PSEN2: variants seen among roughly 807,000 people sequenced by gnomAD.
The protein encoded by PSEN2 is presenilin-2.
PSEN2 carries 32 observed loss-of-function variants against 49.1 expected under a neutral mutation model. The observed-to-expected ratio is 0.65, with a 90% CI of 0.49 to 0.88. The LOEUF is 0.88. Ranked by LOEUF, PSEN2 falls within the 40% of genes least tolerant of loss-of-function variation. PSEN2 has a pLI of 0.00. For synonymous variants in PSEN2, 255 were observed against 244.0 expected (o/e 1.05, Z -0.42); for missense variants, 522 against 586.9 (o/e 0.89, Z 1.14).
chr1:226,872,405 C>A (rs1023072055), intron 2 of PSEN2, among the ~76,000 whole-genome samples: 6 of 152,164 alleles, frequency 3.9e-5, no homozygotes, highest in Non-Finnish European at 5.9e-5. Context: ...GAAACAAGTT[C>A]AGGGAGTTAA....
chr1:226,879,971 T>C (rs1660873348), intron 3 of PSEN2, among the ~76,000 whole-genome samples: 1 of 152,216 alleles, frequency 6.6e-6, no homozygotes, highest in Admixed American at 6.5e-5. Context: ...GTAGGAATAA[T>C]CCAGGCCATA....
intron 6 of PSEN2, among the ~76,000 whole-genome samples, chr1:226,887,478 C>G (rs1369334303): frequency 6.6e-6 from 1 of 152,090 alleles, no homozygotes; most frequent in African/African-American, 2.4e-5. Flanking sequence ...AGGATCAGCC[C>G]CCTCTTGTCC....
intron 3 of PSEN2, among the ~76,000 whole-genome samples, chr1:226,879,997 T>C (rs1660875380): frequency 6.6e-6 from 1 of 152,206 alleles, no homozygotes; most frequent in South Asian, 2.1e-4. Flanking sequence ...GGTTGCTGTC[T>C]TCAGAAAGAA....
chr1:226,890,880 T>G, intron 9 of PSEN2: 1 of 250,938 alleles, frequency 4.0e-6, no homozygotes, highest in Non-Finnish European at 7.8e-6. Flanking sequence ...TTCGAGCCCG[T>G]AGAGGAGAAT....
intron 3 of PSEN2, among the ~76,000 whole-genome samples, chr1:226,879,451 C>T (rs759778717): frequency 3.9e-5 from 6 of 152,142 alleles, no homozygotes; most frequent in Admixed American, 2.6e-4. Flanking sequence ...CAGAAAGCTT[C>T]GGGGGCTCTC....
chr1:226,902,263 G>A (rs1662341878), intron 12 of PSEN2, among the ~76,000 whole-genome samples: 1 of 152,206 alleles, frequency 6.6e-6, no homozygotes, highest in South Asian at 2.1e-4. Flanking sequence ...GATTTGACAG[G>A]AGGCGGAGCT....
At position 226,886,029 on chromosome 1, in the gene PSEN2, C is replaced by A. The variant is rs569668866; in HGVS notation, c.498+350C>A. On this transcript the variant is annotated intron_variant, in intron 6 of 12. Transcript: ENST00000366783. ...TACAGGTTTGCACCACCATACCTGG[C>A]TAATTAAAAAATTTTTTTTTGTGCA... 3.3e-5 allele frequency among the ~76,000 whole-genome samples: 5 copies of A among 152,166 alleles called. No individual in the cohort carries two copies. In the South Asian group the frequency reaches 1.0e-3, roughly 32 times the overall value.
chr1:226,898,688 A>G (rs901669414), downstream of PSEN2: 1 of 152,148 alleles, frequency 6.6e-6, no homozygotes, highest in African/African-American at 2.4e-5. Flanking sequence ...ATCTTGGCTC[A>G]CTGCAAGCTC....
At position 226,895,789 on chromosome 1, in the gene PSEN2, G is replaced by A. The variant is rs200296479; in HGVS notation, c.*210G>A. On this transcript the variant is annotated 3_prime_UTR_variant, in exon 13 of 13. Transcript: ENST00000366783. Reference sequence around the variant, plus strand: ...TGGCTCCCGCTTTGGGGAGCGCCTCGCTTCACGGACAGGAAGCACAGCAGG... The same window carrying A: ...TGGCTCCCGCTTTGGGGAGCGCCTCACTTCACGGACAGGAAGCACAGCAGG... 34 of 613,844 alleles carry A rather than the reference G, an allele frequency of 5.5e-5. No homozygotes were observed. In the East Asian group the frequency reaches 9.4e-4, roughly 17 times the overall value. 38.0% of individuals were successfully genotyped at this position (613,844 alleles called of 1,614,324 possible).
In PSEN2 at chr1:226,881,866, G is replaced by C. The variant is rs777803617; in HGVS notation, c.-20-22G>C. ...TTGTCTCACAGGAAAGTGGAACAAG[G>C]TCCTTGTGCTCCTTTTTCCAGGTGC... On this transcript the variant is annotated intron_variant, in intron 3 of 12. Transcript: ENST00000366783. 4 of 1,614,206 alleles carry C rather than the reference G, an allele frequency of 2.5e-6. No individual in the cohort carries two copies. In the Admixed American group the frequency reaches 6.7e-5, roughly 27 times the overall value.
At position 226,882,053 on chromosome 1, in the gene PSEN2, G is replaced by T. The variant is rs1661035373; in HGVS notation, c.141+5G>T. 1.2e-6 allele frequency: 2 copies of T among 1,613,660 alleles called. No individual in the cohort carries two copies. Among genetic ancestry groups the T allele is most frequent in the African/African-American group, 1.3e-5 (1 of 74,934 alleles). ...GGAGAGAACACTGCCCAGTGGGTAG[G>T]TCCCACCAGCAGCTGGGGGCCTTCA... On this transcript the variant is annotated splice_donor_5th_base_variant and intron_variant, in intron 4 of 12. Coordinates refer to ENST00000366783, the MANE Select transcript of PSEN2 (RefSeq NM_000447.3).
Position 226,895,751 on chromosome 1 carries a change from C to G in PSEN2, c.*172C>G, listed in dbSNP as rs1662107405. On this transcript the variant is annotated 3_prime_UTR_variant, in exon 13 of 13. Transcript: ENST00000366783. ...ACCAGCTCTTTGGTGCCAGCTGTTT[C>G]ATCACCAGACTTTGGCTCCCGCTTT... is the stretch of plus-strand genomic sequence containing the variant. 2 of 794,946 alleles carry G rather than the reference C, an allele frequency of 2.5e-6. No homozygotes were observed. Among genetic ancestry groups the G allele is most frequent in the Admixed American group, 5.2e-5 (2 of 38,396 alleles). 49.2% of individuals were successfully genotyped at this position (794,946 alleles called of 1,614,324 possible).
intron 7 of PSEN2, 148 bp from the exon 8 acceptor site, chr1:226,888,681 A>G (rs1288746741): frequency 1.3e-6 from 1 of 765,590 alleles, no homozygotes; most frequent in East Asian, 2.7e-5. Flanking sequence ...GTTTTAGAAA[A>G]TGCTGCAAAT....
chr1:226,883,319 A>C (rs1424654359), intron 4 of PSEN2, among the ~76,000 whole-genome samples: 1 of 152,228 alleles, frequency 6.6e-6, no homozygotes, highest in Admixed American at 6.5e-5. Context: ...TTTGTCAGCC[A>C]AAAATGTTTA....
intron 3 of PSEN2, among the ~76,000 whole-genome samples, chr1:226,880,189 A>G (rs1437067008): frequency 6.6e-6 from 1 of 152,188 alleles, no homozygotes; most frequent in Admixed American, 6.5e-5. Flanking sequence ...AGCTTGGGCA[A>G]CAACGTGAGA....
chr1:226,890,772 A>G (rs1661687876), intron 9 of PSEN2: 2 of 188,388 alleles, frequency 1.1e-5, no homozygotes, highest in South Asian at 2.2e-4. Flanking sequence ...CGGGGCTTAA[A>G]TAGCCTGAAT....
chr1:226,901,305 G>A (rs538459728), downstream of PSEN2, among the ~76,000 whole-genome samples: 6 of 152,062 alleles, frequency 3.9e-5, no homozygotes, highest in Admixed American at 1.3e-4. Context: ...GCGTGGTGGC[G>A]GGCACCTGTA....
chr1:226,902,767 C>G (rs1662355637), intron 12 of PSEN2, among the ~76,000 whole-genome samples: 2 of 152,124 alleles, frequency 1.3e-5, no homozygotes. Flanking sequence ...CTTGCAAGCA[C>G]CTGTTATAAC....
chr1:226,877,276 A>G (rs1045737854), intron 3 of PSEN2, among the ~76,000 whole-genome samples: 1 of 152,230 alleles, frequency 6.6e-6, no homozygotes, highest in African/African-American at 2.4e-5. Context: ...TGCATTGTTA[A>G]TAAGCAGCCT....
Sources: gnomAD v4.1 joint callset for allele counts (sites outside exome capture counted in the v4.1 genomes callset) on GRCh38, gnomAD v4.1.1 for gene constraint, MANE v1.5 for transcripts, NCBI Gene and HGNC (gene_info 2026-07-23, HGNC 2026-07-21) for gene names.